Variants in NF2 observed in about 807,000 individuals in gnomAD.
The protein encoded by NF2 is merlin.
NF2 carries 8 observed loss-of-function variants against 83.7 expected under a neutral mutation model. That is an observed-to-expected ratio of 0.10 (90% confidence interval 0.06 to 0.17). The LOEUF (loss-of-function observed/expected upper bound fraction) is 0.17, where lower values mean the gene tolerates loss of function less well. NF2 is among the 10% of genes least tolerant of loss of function. The pLI is 1.00. For synonymous variants in NF2, 266 were observed against 269.6 expected (o/e 0.99, Z 0.13); for missense variants, 533 against 744.4 (o/e 0.72, Z 3.31).
chr22:29,608,042 C>T (rs944396922), intron 1 of NF2, among the ~76,000 whole-genome samples: 9 of 150,274 alleles, frequency 6.0e-5, no homozygotes, highest in South Asian at 2.1e-4. Context: ...GCGTGGTGGC[C>T]GGCACCTGTA....
At chr22:29,616,987 G>A (rs1601542305) in intron 1 of NF2, among the ~76,000 whole-genome samples, 1 of 151,828 alleles carries the variant, frequency 6.6e-6, no homozygotes, top group Non-Finnish European at 1.5e-5. Context: ...GGAAAGCAAT[G>A]GTGTGATCTC....
intron 4 of NF2, among the ~76,000 whole-genome samples, chr22:29,645,299 A>G (rs1023076147): frequency 6.6e-6 from 1 of 152,188 alleles, no homozygotes; most frequent in African/African-American, 2.4e-5. Flanking sequence ...TGCAGGCACT[A>G]AAGCAAGTAT....
chr22:29,692,163 C>T (rs907144429), intron 15 of NF2, among the ~76,000 whole-genome samples: 1 of 152,156 alleles, frequency 6.6e-6, no homozygotes, highest in African/African-American at 2.4e-5. Context: ...GCAGCCAGGT[C>T]GTGGCTGCCT....
At chr22:29,658,879 A>G (rs1461720310) in intron 7 of NF2, among the ~76,000 whole-genome samples, 1 of 152,146 alleles carries the variant, frequency 6.6e-6, no homozygotes, top group Non-Finnish European at 1.5e-5. Flanking sequence ...AAAGGGATGC[A>G]TGCGATTTGC....
chr22:29,640,069 C>T (rs1426865456), intron 3 of NF2, among the ~76,000 whole-genome samples: 1 of 150,596 alleles, frequency 6.6e-6, no homozygotes, highest in Admixed American at 6.6e-5. Flanking sequence ...GTGATGCATG[C>T]CTGTAATCCC....
intron 10 of NF2, among the ~76,000 whole-genome samples, chr22:29,668,932 G>A (rs1374654414): frequency 1.3e-5 from 2 of 152,228 alleles, no homozygotes; most frequent in Admixed American, 6.5e-5. Flanking sequence ...TGCCCCAGGA[G>A]GTGCCAGGAG....
At chr22:29,638,235 C>T (rs2065699892) in intron 2 of NF2, among the ~76,000 whole-genome samples, 1 of 152,092 alleles carries the variant, frequency 6.6e-6, no homozygotes, top group Non-Finnish European at 1.5e-5. Flanking sequence ...TTTTGTGGGG[C>T]ATCTCTGGAG....
intron 1 of NF2, among the ~76,000 whole-genome samples, chr22:29,621,482 C>A (rs191598339): frequency 1.3e-5 from 2 of 152,186 alleles, no homozygotes. Context: ...GCCTGGGCAA[C>A]ATGGCGAAAC....
chr22:29,653,497 A>ACAATG (rs1236378467), intron 4 of NF2, among the ~76,000 whole-genome samples: 3 of 152,172 alleles, frequency 2.0e-5, no homozygotes, highest in Admixed American at 6.5e-5. Context: ...TTCAAAAAAA[A>ACAATG]CAATGCAATA....
At chr22:29,610,992 C>T (rs2064938094) in intron 1 of NF2, among the ~76,000 whole-genome samples, 1 of 152,080 alleles carries the variant, frequency 6.6e-6, no homozygotes. Context: ...AGGATTTATT[C>T]CAGGAGTGCA....
intron 6 of NF2, among the ~76,000 whole-genome samples, chr22:29,656,100 A>C (rs1181662743): frequency 6.6e-6 from 1 of 151,846 alleles, no homozygotes; most frequent in African/African-American, 2.4e-5. Context: ...CACCATGCCC[A>C]GCTAGTTTTT....
chr22:29,607,170 T>C (rs1447123783), intron 1 of NF2, among the ~76,000 whole-genome samples: 8 of 152,180 alleles, frequency 5.3e-5, no homozygotes, highest in Admixed American at 5.2e-4. Context: ...TGTACAACTA[T>C]TATGAATCAA....
rs1304065235 is a variant in NF2 at position 29,694,362 on chromosome 22, G to A, written c.1738-390G>A. On this transcript the variant is annotated intron_variant, in intron 15 of 15. Coordinates refer to ENST00000338641, the MANE Select transcript of NF2 (RefSeq NM_000268.4). The surrounding 1 kb of genome is among the most constrained non-coding windows in gnomAD (Gnocchi z 4.1). ...ATGCTTGCCCTGCCAAGCCCGGAGG[G>A]GATGAGCAGCCTCAGCTGGTGCCGC... 6.6e-6 allele frequency among the ~76,000 whole-genome samples: 1 copy of A among 152,214 alleles called. No individual in the cohort carries two copies. The highest frequency in any genetic ancestry group is 1.5e-5 in the Non-Finnish European group (1 of 68,044).
At chr22:29,605,022 C>T (rs1199362872) in intron 1 of NF2, among the ~76,000 whole-genome samples, 1 of 152,144 alleles carries the variant, frequency 6.6e-6, no homozygotes, top group Non-Finnish European at 1.5e-5. Context: ...ACTCTGTCAC[C>T]GAGGCTGGCA....
Position 29,698,154 on chromosome 22 carries a change from G to A in NF2, c.*3352G>A, listed in dbSNP as rs1048931832. On this transcript the variant is annotated 3_prime_UTR_variant, in exon 16 of 16. Transcript: ENST00000338641. ...TCAGCCACAGCAGTCCCCCCAACCT[G>A]TGTTGTCCACCCTATTATTCATGTA... 3 of 232,486 alleles carry A rather than the reference G, an allele frequency of 1.3e-5. No homozygotes were observed. The highest frequency in any genetic ancestry group is 6.0e-5 in the East Asian group (1 of 16,664). The allele number at this position is 232,486 out of a possible 1,614,324, so 14.4% of individuals were successfully genotyped here.
At position 29,608,983 on chromosome 22, in the gene NF2, T is replaced by C. The variant is rs1054456250; in HGVS notation, c.114+4871T>C. The C allele has an allele frequency of 6.2e-6, 4 of 646,174 alleles. No individual in the cohort carries two copies. In the African/African-American group the frequency reaches 7.3e-5, roughly 12 times the overall value. 40.0% of individuals were successfully genotyped at this position (646,174 alleles called of 1,614,324 possible). The stretch of plus-strand genomic sequence containing the variant: ...GGCCCAGTGCCTCTGGATGCTAGAC[T>C]CTGGGGTCGATTATCTCCACCGGAA... On this transcript the variant is annotated intron_variant, in intron 1 of 15. Transcript: ENST00000338641.
chr22:29,680,232 C>G (rs2067089042), intron 14 of NF2, among the ~76,000 whole-genome samples: 1 of 152,116 alleles, frequency 6.6e-6, no homozygotes, highest in Admixed American at 6.5e-5. Flanking sequence ...CTGCCTCAGC[C>G]TCCTGAGTAG....
At chr22:29,658,074 TG>T in intron 6 of NF2, 114 bp from the exon 7 acceptor site, 2 of 897,972 alleles carry the variant, frequency 2.2e-6, no homozygotes, top group South Asian at 1.4e-5. Flanking sequence ...TTTTGTCTTC[TG>T]GCAGCGACGT....
chr22:29,621,913 A>G (rs1019219987), intron 1 of NF2, among the ~76,000 whole-genome samples: 1 of 152,138 alleles, frequency 6.6e-6, no homozygotes, highest in African/African-American at 2.4e-5. Context: ...GCTCTGCTCA[A>G]GGGTTTCCTC....
Sources: gnomAD v4.1 joint callset for allele counts (sites outside exome capture counted in the v4.1 genomes callset) on GRCh38, gnomAD v4.1.1 for gene constraint, Gnocchi (gnomAD v3.1) non-coding constraint, MANE v1.5 for transcripts, NCBI Gene and HGNC (gene_info 2026-07-23, HGNC 2026-07-21) for gene names.